SV2B: variants seen among roughly 807,000 people sequenced by gnomAD.
SV2B encodes the protein synaptic vesicle glycoprotein 2B.
A neutral mutation model predicts 73.9 loss-of-function variants in SV2B; 41 were observed. The observed-to-expected ratio is 0.56, with a 90% CI of 0.43 to 0.72. SV2B has a LOEUF of 0.72. Among genes scored for constraint, SV2B ranks in the 30% least tolerant of loss-of-function variants. The pLI, the probability that SV2B is intolerant of heterozygous loss-of-function variation, is 0.00. For synonymous variants in SV2B, 314 were observed against 314.2 expected (o/e 1.00, Z 0.01); for missense variants, 764 against 857.8 (o/e 0.89, Z 1.37).
chr15:91,109,504 G>C (rs2041980446), intron 1 of SV2B, among the ~76,000 whole-genome samples: 1 of 152,212 alleles, frequency 6.6e-6, no homozygotes, highest in Non-Finnish European at 1.5e-5. Context: ...AATGAACACT[G>C]CTAAGGAGAT....
chr15:91,301,074 TG>T lies in SV2B; in HGVS notation c.*8524del, dbSNP rs1013070643. 6.6e-6 allele frequency: 1 copy of T among 152,232 alleles called. No individual in the cohort carries two copies. The highest frequency in any genetic ancestry group is 2.4e-5 in the African/African-American group (1 of 41,442). The allele number at this position is 152,232 out of a possible 1,614,324, so 9.4% of individuals were successfully genotyped here. ...TCCCATGTCACATTGACCAGTCCTG[TG>T]GTCCTATGGCTAAGCGGAGGACACG... On this transcript the variant is annotated 3_prime_UTR_variant, in exon 13 of 13. Transcript: ENST00000394232. This position sits in a 1 kb window ranked among gnomAD's most constrained non-coding sequence, Gnocchi z 4.3.
At chr15:91,167,111 C>A (rs2043944543) in intron 1 of SV2B, among the ~76,000 whole-genome samples, 1 of 152,102 alleles carries the variant, frequency 6.6e-6, no homozygotes. Flanking sequence ...CCGCGCCCGG[C>A]CGTATAGTTT....
chr15:91,174,544 C>G (rs963424946), intron 1 of SV2B, among the ~76,000 whole-genome samples: 4 of 152,164 alleles, frequency 2.6e-5, no homozygotes, highest in Non-Finnish European at 2.9e-5. Flanking sequence ...CTGTCCCACC[C>G]TACCTTCCAT....
chr15:91,112,225 ATGT>A, intron 1 of SV2B, among the ~76,000 whole-genome samples: 2 of 152,136 alleles, frequency 1.3e-5, no homozygotes, highest in Non-Finnish European at 2.9e-5. Context: ...GTGGGTTTAA[ATGT>A]TGTCACCAGA....
chr15:91,286,551 A>C (rs745361945), intron 11 of SV2B, among the ~76,000 whole-genome samples: 1 of 152,178 alleles, frequency 6.6e-6, no homozygotes, highest in African/African-American at 2.4e-5. Context: ...CAAATGATCT[A>C]TTGGGAGAGG....
At chr15:91,156,258 C>T (rs1039141700) in intron 1 of SV2B, among the ~76,000 whole-genome samples, 2 of 152,218 alleles carry the variant, frequency 1.3e-5, no homozygotes, top group African/African-American at 4.8e-5. Flanking sequence ...TATAGATAGG[C>T]TTCTTTCCTT....
rs142493308 is a variant in SV2B, at chr15:91,122,790, C to T, written c.-392+22427C>T. Among the ~76,000 whole-genome samples the T allele has an allele frequency of 4.6e-4, 70 of 152,170 alleles. No individual in the cohort carries two copies. The highest frequency in any genetic ancestry group is 1.6e-3 in the African/African-American group (66 of 41,494). ...AACACTGCCTGATCTCACTGATAAA[C>T]GGAATCTAAAAAAGTTGAGCTCATC... On this transcript the variant is annotated intron_variant, in intron 1 of 12. Coordinates refer to ENST00000394232, the MANE Select transcript of SV2B (RefSeq NM_001323032.3). The surrounding 1 kb of genome is among the most constrained non-coding windows in gnomAD (Gnocchi z 4.3).
chr15:91,116,936 C>A (rs1021956322), intron 1 of SV2B, among the ~76,000 whole-genome samples: 1 of 152,164 alleles, frequency 6.6e-6, no homozygotes, highest in Non-Finnish European at 1.5e-5. Context: ...GACTTATTCA[C>A]TATGATGAGA....
At chr15:91,254,533 G>A (rs1265624030) in intron 4 of SV2B, among the ~76,000 whole-genome samples, 1 of 152,050 alleles carries the variant, frequency 6.6e-6, no homozygotes, top group African/African-American at 2.4e-5. Context: ...CACAGTGCCC[G>A]GCTTATTTTC....
At chr15:91,186,517 G>A (rs1567325776) in intron 1 of SV2B, among the ~76,000 whole-genome samples, 2 of 152,172 alleles carry the variant, frequency 1.3e-5, no homozygotes, top group Non-Finnish European at 2.9e-5. Flanking sequence ...TTAAGAGGAG[G>A]TCATTATACC....
intron 1 of SV2B, among the ~76,000 whole-genome samples, chr15:91,175,349 G>T (rs1034645042): frequency 1.1e-4 from 16 of 151,986 alleles, no homozygotes; most frequent in Admixed American, 1.0e-3. Context: ...CCGCCTCCTG[G>T]GTTCCAGTGA....
In SV2B at chr15:91,301,513, CA is replaced by C. The variant is rs1457517963; in HGVS notation, c.*8964del. On this transcript the variant is annotated 3_prime_UTR_variant, in exon 13 of 13. Coordinates refer to ENST00000394232, the MANE Select transcript of SV2B (RefSeq NM_001323032.3). The surrounding 1 kb of genome is among the most constrained non-coding windows in gnomAD (Gnocchi z 4.3). ...AATACCTTGTGATCCAGATATTTAA[CA>C]AACACACATGAAATTTACTGAATGA... is the stretch of plus-strand genomic sequence containing the variant. 6.6e-6 allele frequency among the ~76,000 whole-genome samples: 1 copy of C among 152,196 alleles called. No individual in the cohort carries two copies. Among genetic ancestry groups the C allele is most frequent in the African/African-American group, 2.4e-5 (1 of 41,440 alleles).
At position 91,246,516 on chromosome 15, in the gene SV2B, C is replaced by T. The variant is rs116075010; in HGVS notation, c.452-5303C>T. Among the ~76,000 whole-genome samples the T allele has an allele frequency of 2.7e-3, 410 of 152,338 alleles. 5 individuals are homozygous for T. Among genetic ancestry groups the T allele is most frequent in the African/African-American group, 9.3e-3 (388 of 41,570 alleles). On this transcript the variant is annotated intron_variant, in intron 2 of 12. Coordinates refer to ENST00000394232, the MANE Select transcript of SV2B (RefSeq NM_001323032.3). ...ATAGTGGTCAGAGAGGCTGAATGGGCTGCCCACAGGCATGCTGTGGTAGTC... is the reference window on the plus strand; with the variant it reads ...ATAGTGGTCAGAGAGGCTGAATGGGTTGCCCACAGGCATGCTGTGGTAGTC...
rs775013094 is a variant in SV2B, at chr15:91,136,981, C to A, written c.-392+36618C>A. Among the ~76,000 whole-genome samples, 13 of 152,098 alleles carry A rather than the reference C, an allele frequency of 8.5e-5. No homozygotes were observed. Among genetic ancestry groups the A allele is most frequent in the Non-Finnish European group, 1.8e-4 (12 of 68,014 alleles). ...ATCTGCTCCTGAATGAAAATTTGAT[C>A]CACGCAGAAGACAACCTGCAGGCAA... On this transcript the variant is annotated intron_variant, in intron 1 of 12. Coordinates refer to ENST00000394232, the MANE Select transcript of SV2B (RefSeq NM_001323032.3). The surrounding 1 kb of genome is among the most constrained non-coding windows in gnomAD (Gnocchi z 5.6).
rs1014137143 is a variant in SV2B, at chr15:91,124,255, G to A, written c.-392+23892G>A. 3.3e-5 allele frequency among the ~76,000 whole-genome samples: 5 copies of A among 152,276 alleles called. No homozygotes were observed. The highest frequency in any genetic ancestry group is 6.5e-5 in the Admixed American group (1 of 15,300). ...CTATTTATTCCCTCGGGGAAGTCAC[G>A]AATCTGTCATTTGCGATTTTAGTTT... On this transcript the variant is annotated intron_variant, in intron 1 of 12. Coordinates refer to ENST00000394232, the MANE Select transcript of SV2B (RefSeq NM_001323032.3). This position sits in a 1 kb window ranked among gnomAD's most constrained non-coding sequence, Gnocchi z 4.6.
chr15:91,292,278 C>T, intron 12 of SV2B, 91 bp from the exon 13 acceptor site: 1 of 1,333,734 alleles, frequency 7.5e-7, no homozygotes, highest in Non-Finnish European at 1.0e-6. Flanking sequence ...CTTGCACCCT[C>T]TTCCCCCTGC....
intron 1 of SV2B, among the ~76,000 whole-genome samples, chr15:91,202,735 G>A (rs999340698): frequency 2.6e-5 from 4 of 152,134 alleles, no homozygotes; most frequent in African/African-American, 9.7e-5. Context: ...GAGAGAAGTG[G>A]GGCTACAGTC....
At chr15:91,102,800 C>CA (rs1318562302) in intron 1 of SV2B, among the ~76,000 whole-genome samples, 1 of 152,216 alleles carries the variant, frequency 6.6e-6, no homozygotes, top group Non-Finnish European at 1.5e-5. Context: ...TGGTAAATGA[C>CA]ATTTGACCAG....
intron 1 of SV2B, among the ~76,000 whole-genome samples, chr15:91,179,151 C>T (rs909399113): frequency 2.6e-5 from 4 of 151,954 alleles, no homozygotes; most frequent in Admixed American, 6.6e-5. Flanking sequence ...TTGTTATGTA[C>T]CCAGTAGTCA....
Sources: allele counts gnomAD v4.1 joint callset (sites outside exome capture counted in the v4.1 genomes callset), GRCh38; gene constraint gnomAD v4.1.1; non-coding constraint Gnocchi (gnomAD v3.1); transcripts MANE v1.5; gene names NCBI Gene and HGNC (gene_info 2026-07-23, HGNC 2026-07-21).